Variants in FSTL5 observed in about 807,000 individuals in gnomAD.
FSTL5 encodes the protein follistatin like 5, also known as follistatin-related protein 5.
In FSTL5, 62 loss-of-function variants were observed where a neutral mutation model predicts 89.1. The ratio of observed to expected loss-of-function variants is 0.70; its 90% confidence interval spans 0.57 to 0.86. The LOEUF (loss-of-function observed/expected upper bound fraction) is 0.86. Ranked by LOEUF, FSTL5 falls within the 40% of genes least tolerant of loss-of-function variation. The pLI, the probability that FSTL5 is intolerant of heterozygous loss-of-function variation, is 0.00. For missense variants in FSTL5, 1,057 were observed against 1,001.6 expected (o/e 1.06, Z -0.75); for synonymous variants, 383 against 346.2 (o/e 1.11, Z -1.18).
intron 8 of FSTL5, among the ~76,000 whole-genome samples, chr4:161,553,867 G>A (rs1287786400): frequency 6.6e-6 from 1 of 151,478 alleles, no homozygotes; most frequent in Non-Finnish European, 1.5e-5. Flanking sequence ...ACTTTTCAAG[G>A]AAACTGAACT....
chr4:161,409,583 C>T (rs1224286141), intron 15 of FSTL5, among the ~76,000 whole-genome samples: 18 of 151,984 alleles, frequency 1.2e-4, no homozygotes, highest in Admixed American at 9.8e-4. Flanking sequence ...GGTTTCACCA[C>T]GTTGGCCAGG....
intron 4 of FSTL5, among the ~76,000 whole-genome samples, chr4:161,868,987 C>A (rs188226130): frequency 4.6e-5 from 7 of 151,996 alleles, no homozygotes; most frequent in Non-Finnish European, 1.0e-4. Flanking sequence ...TTTGGGAGAA[C>A]GAGAGAGGCG....
At chr4:161,839,288 AAGAG>A (rs963448365) in intron 4 of FSTL5, among the ~76,000 whole-genome samples, 7 of 152,158 alleles carry the variant, frequency 4.6e-5, no homozygotes, top group African/African-American at 1.7e-4. Context: ...GGATGAATGA[AAGAG>A]AGAAAGAGAC....
chr4:161,825,539 A>AT (rs1361926298), intron 4 of FSTL5, among the ~76,000 whole-genome samples: 2 of 151,894 alleles, frequency 1.3e-5, no homozygotes, highest in Non-Finnish European at 2.9e-5. Flanking sequence ...TTTGGTTGGC[A>AT]TTTTTTATTA....
chr4:161,863,064 AAT>A (rs1302309952), intron 4 of FSTL5, among the ~76,000 whole-genome samples: 2 of 152,212 alleles, frequency 1.3e-5, no homozygotes, highest in Non-Finnish European at 2.9e-5. Flanking sequence ...TCAGTAACAA[AAT>A]AGTCTTCCAT....
intron 6 of FSTL5, among the ~76,000 whole-genome samples, chr4:161,728,577 C>A (rs1739500692): frequency 6.6e-6 from 1 of 151,884 alleles, no homozygotes; most frequent in Non-Finnish European, 1.5e-5. Flanking sequence ...TTCATCTAAT[C>A]ATATATATAC....
In FSTL5 at chr4:162,103,948, AGGGCAACCCCCTTT is replaced by A. The variant is rs1731104364; in HGVS notation, c.126+7309_126+7322del. 2.6e-5 allele frequency among the ~76,000 whole-genome samples: 4 copies of A among 152,342 alleles called. No individual in the cohort carries two copies. The South Asian group carries it at 8.3e-4, about 32-fold the overall frequency. Reference sequence around the variant, plus strand: ...ATAAACCCAGGCATTAGAGCTGGCAAGGGCAACCCCCTTTGGGTCCCCTCCCTTTGTATGGGAGC... The same window carrying A: ...ATAAACCCAGGCATTAGAGCTGGCAAGGGTCCCCTCCCTTTGTATGGGAGC... On this transcript the variant is annotated intron_variant, in intron 2 of 15. Transcript: ENST00000306100.
intron 3 of FSTL5, among the ~76,000 whole-genome samples, chr4:161,979,781 A>C (rs916549706): frequency 6.6e-6 from 1 of 152,140 alleles, no homozygotes; most frequent in Non-Finnish European, 1.5e-5. Flanking sequence ...GGAATCAACC[A>C]TTCTTTCAAT....
intron 4 of FSTL5, among the ~76,000 whole-genome samples, chr4:161,837,039 A>G (rs901546935): frequency 6.6e-6 from 1 of 152,144 alleles, no homozygotes; most frequent in Non-Finnish European, 1.5e-5. Context: ...CTATGAGTCT[A>G]AAAACTCAGA....
At chr4:162,118,428 T>G (rs554797245) in intron 1 of FSTL5, among the ~76,000 whole-genome samples, 165 of 152,216 alleles carry the variant, frequency 1.1e-3, no homozygotes, top group African/African-American at 3.8e-3. Context: ...GCCTGGCTAA[T>G]TTTTTGTATT....
chr4:161,926,474 G>A (rs1734130432), intron 3 of FSTL5, among the ~76,000 whole-genome samples: 1 of 150,038 alleles, frequency 6.7e-6, no homozygotes, highest in African/African-American at 2.4e-5. Context: ...CAGAGATCCA[G>A]GTAATTTGCA....
intron 13 of FSTL5, among the ~76,000 whole-genome samples, chr4:161,478,533 A>C (rs963865204): frequency 6.6e-6 from 1 of 152,072 alleles, no homozygotes; most frequent in East Asian, 1.9e-4. Context: ...GTACTTGGGA[A>C]CTCTAGACAG....
chr4:161,625,434 T>C (rs987337204), intron 7 of FSTL5, among the ~76,000 whole-genome samples: 1 of 152,110 alleles, frequency 6.6e-6, no homozygotes. Flanking sequence ...AATATTGTCA[T>C]TGTTTTCGGT....
At chr4:161,890,620 G>C (rs1017119487) in intron 4 of FSTL5, among the ~76,000 whole-genome samples, 1 of 150,118 alleles carries the variant, frequency 6.7e-6, no homozygotes, top group Non-Finnish European at 1.5e-5. Flanking sequence ...CCCGGGTGGT[G>C]GAGGTTACAG....
chr4:161,792,280 G>A (rs1046777879), intron 4 of FSTL5, among the ~76,000 whole-genome samples: 38 of 152,134 alleles, frequency 2.5e-4, no homozygotes, highest in African/African-American at 9.2e-4. Flanking sequence ...AACAAGCAGG[G>A]GAAGAGGCTG....
At chr4:161,439,595 T>G (rs1732690389) in intron 15 of FSTL5, among the ~76,000 whole-genome samples, 1 of 152,172 alleles carries the variant, frequency 6.6e-6, no homozygotes, top group Admixed American at 6.5e-5. Flanking sequence ...ATAAAACACT[T>G]AATTGTGACT....
chr4:161,566,865 C>A (rs1425014731), intron 8 of FSTL5, among the ~76,000 whole-genome samples: 1 of 151,994 alleles, frequency 6.6e-6, no homozygotes, highest in East Asian at 1.9e-4. Context: ...AAAATGTATT[C>A]TATATTTTCC....
chr4:161,534,108 C>T (rs1731513430), intron 10 of FSTL5, among the ~76,000 whole-genome samples: 1 of 152,046 alleles, frequency 6.6e-6, no homozygotes, highest in African/African-American at 2.4e-5. Flanking sequence ...TTATGACAAA[C>T]CCACAGCCAA....
At chr4:161,948,489 T>TC (rs1234591466) in intron 3 of FSTL5, among the ~76,000 whole-genome samples, 2 of 142,146 alleles carry the variant, frequency 1.4e-5, no homozygotes, top group African/African-American at 2.6e-5. Context: ...TTCTTTCTTT[T>TC]TTTTTTTTTT....
Sources: gnomAD v4.1 joint callset for allele counts (sites outside exome capture counted in the v4.1 genomes callset) on GRCh38, gnomAD v4.1.1 for gene constraint, MANE v1.5 for transcripts, NCBI Gene and HGNC (gene_info 2026-07-23, HGNC 2026-07-21) for gene names.